The following NINJ2 variants were observed in gnomAD, a reference collection of about 807,000 sequenced individuals.
NINJ2 encodes the protein ninjurin-2.
A neutral mutation model predicts 11.7 loss-of-function variants in NINJ2; 12 were observed. The ratio of observed to expected loss-of-function variants is 1.02; its 90% CI spans 0.66 to 1.66. NINJ2 has a LOEUF of 1.66. Ranked by LOEUF, NINJ2 falls within the 40% of genes most tolerant of loss-of-function variation. The pLI is 0.00. For missense variants in NINJ2, 187 were observed against 181.8 expected (o/e 1.03, Z -0.16); for synonymous variants, 93 against 76.8 (o/e 1.21, Z -1.10).
At chr12:613,565 C>T (rs983304410) in intron 1 of NINJ2, among the ~76,000 whole-genome samples, 6 of 151,750 alleles carry the variant, frequency 4.0e-5, no homozygotes, top group African/African-American at 1.5e-4. Flanking sequence ...GCCAAGATTG[C>T]GACATTACAC....
intron 1 of NINJ2, among the ~76,000 whole-genome samples, chr12:652,947 CAAA>C (rs760841339): frequency 1.5e-5 from 1 of 64,690 alleles, no homozygotes; most frequent in Admixed American, 1.7e-4. Context: ...AACTCTGTCT[CAAA>C]AAAAAAAAAA....
chr12:621,050 A>T (rs1460497653), intron 1 of NINJ2, among the ~76,000 whole-genome samples: 1 of 152,070 alleles, frequency 6.6e-6, no homozygotes, highest in Non-Finnish European at 1.5e-5. Flanking sequence ...ACAAACAAGC[A>T]CTCCTGAGTC....
rs1937986441 is a variant in NINJ2, at chr12:663,413, T to A, written c.-53A>T. On this transcript the variant is annotated 5_prime_UTR_variant, in exon 1 of 4. Transcript: ENST00000305108. ...CACCGGGTGCCGGGAACAGACTGCG[T>A]GGGCTCCTCCAGGCTCCGCCGTCTG... 6.2e-7 allele frequency: 1 copy of A among 1,614,136 alleles called. No homozygotes were observed. The highest frequency in any genetic ancestry group is 2.2e-5 in the East Asian group (1 of 44,880).
At chr12:609,105 G>C (rs1362284921) in intron 1 of NINJ2, among the ~76,000 whole-genome samples, 1 of 124,186 alleles carries the variant, frequency 8.1e-6, no homozygotes, top group Admixed American at 8.4e-5. Flanking sequence ...CGCACGCACG[G>C]CGCCACGCGC....
In NINJ2 at chr12:640,886, C is replaced by T. The variant is rs1948408721; in HGVS notation, c.33+22442G>A. On this transcript the variant is annotated intron_variant, in intron 1 of 3. Coordinates refer to ENST00000305108, the MANE Select transcript of NINJ2 (RefSeq NM_016533.6). The surrounding 1 kb of genome is among the most constrained non-coding windows in gnomAD (Gnocchi z 4.0). ...CCCATTCCACCACCCCACTCCAACC[C>T]CTCCACTGTGGCTCCAATGTTACAG... 1 of 152,282 alleles carries T rather than the reference C, an allele frequency of 6.6e-6. No homozygotes were observed. The highest frequency in any genetic ancestry group is 2.4e-5 in the African/African-American group (1 of 41,398). 9.4% of individuals were successfully genotyped at this position (152,282 alleles called of 1,614,324 possible). A position where few individuals can be genotyped will look rare whatever the true frequency, so the allele number is the denominator to read the frequency against.
At chr12:590,275 G>A (rs958872659) in intron 1 of NINJ2, among the ~76,000 whole-genome samples, 23 of 152,204 alleles carry the variant, frequency 1.5e-4, no homozygotes, top group Admixed American at 7.8e-4. Context: ...GGAGAGCCAC[G>A]CGCGGGAGCC....
chr12:641,770 G>A (rs1462791797), intron 1 of NINJ2, among the ~76,000 whole-genome samples: 1 of 146,972 alleles, frequency 6.8e-6, no homozygotes, highest in Admixed American at 6.8e-5. Context: ...GCTTGAACCC[G>A]GGAGGTGGAG....
At chr12:590,000 G>C (rs532334715) in intron 1 of NINJ2, among the ~76,000 whole-genome samples, 6 of 152,346 alleles carry the variant, frequency 3.9e-5, no homozygotes, top group African/African-American at 1.4e-4. Context: ...CAGCGGATCA[G>C]GGAGGGGCTG....
rs1003927918 is a variant in NINJ2, at chr12:633,407, C to T, written c.33+29921G>A. Among the ~76,000 whole-genome samples the T allele has an allele frequency of 1.3e-5, 2 of 151,654 alleles. No individual in the cohort carries two copies. The highest frequency in any genetic ancestry group is 6.6e-5 in the Admixed American group (1 of 15,226). On this transcript the variant is annotated intron_variant, in intron 1 of 3. Transcript: ENST00000305108. This position sits in a 1 kb window ranked among gnomAD's most constrained non-coding sequence, Gnocchi z 4.3. Reference sequence around the variant, plus strand: ...CAGCTACCCGGGTTGCTGAGGCAGGCGAATCACTGGTTCCACCAGGAGGTG... The same window carrying T: ...CAGCTACCCGGGTTGCTGAGGCAGGTGAATCACTGGTTCCACCAGGAGGTG...
intron 1 of NINJ2, among the ~76,000 whole-genome samples, chr12:661,140 A>G (rs777802887): frequency 6.6e-6 from 1 of 152,158 alleles, no homozygotes; most frequent in Admixed American, 6.5e-5. Context: ...GTGCAATGGC[A>G]TGATTGTAGC....
intron 1 of NINJ2, among the ~76,000 whole-genome samples, chr12:567,269 G>A: frequency 6.6e-6 from 1 of 151,698 alleles, no homozygotes; most frequent in African/African-American, 2.4e-5. Context: ...TGGCCTGGAG[G>A]TAGGGAAGAT....
chr12:646,446 G>A (rs968394149), intron 1 of NINJ2, among the ~76,000 whole-genome samples: 2 of 152,176 alleles, frequency 1.3e-5, no homozygotes, highest in Non-Finnish European at 2.9e-5. Flanking sequence ...TAGGTCATGG[G>A]CTTTGCAAGA....
At chr12:579,117 A>G (rs1338794982) in intron 1 of NINJ2, among the ~76,000 whole-genome samples, 1 of 152,226 alleles carries the variant, frequency 6.6e-6, no homozygotes, top group Non-Finnish European at 1.5e-5. Flanking sequence ...TAGATTATAC[A>G]TTTCCAAAAG....
intron 1 of NINJ2, among the ~76,000 whole-genome samples, chr12:592,257 A>C (rs11063771): frequency 0.092 from 14,020 of 152,110 alleles, 883 homozygotes; most frequent in African/African-American, 0.18. Flanking sequence ...TAAAACAGTT[A>C]GGTGTCTCCT....
At chr12:657,297 C>T (rs773469392) in intron 1 of NINJ2, among the ~76,000 whole-genome samples, 1 of 152,002 alleles carries the variant, frequency 6.6e-6, no homozygotes, top group Non-Finnish European at 1.5e-5. Context: ...AATTCAACAA[C>T]AAGAAAATAA....
chr12:619,884 A>C (rs1320014548), intron 1 of NINJ2, among the ~76,000 whole-genome samples: 1 of 152,218 alleles, frequency 6.6e-6, no homozygotes, highest in Non-Finnish European at 1.5e-5. Flanking sequence ...GACCTCTCTA[A>C]GCTTCAGTTT....
chr12:630,891 A>C (rs1948272976), intron 1 of NINJ2: 1 of 152,054 alleles, frequency 6.6e-6, no homozygotes, highest in South Asian at 2.1e-4. Flanking sequence ...AGAAGGGGTC[A>C]GCTTCAAGCC....
intron 1 of NINJ2, among the ~76,000 whole-genome samples, chr12:617,066 C>T (rs1259062926): frequency 3.9e-5 from 6 of 152,226 alleles, no homozygotes; most frequent in South Asian, 4.2e-4. Flanking sequence ...ATTAGCCAGA[C>T]GTGGTGGCGC....
intron 1 of NINJ2, among the ~76,000 whole-genome samples, chr12:569,075 G>A (rs191751325): frequency 6.7e-6 from 1 of 149,460 alleles, no homozygotes; most frequent in Non-Finnish European, 1.5e-5. Flanking sequence ...TGCTGGGGCC[G>A]GGGTTTCAGC....
Sources: allele counts gnomAD v4.1 joint callset (sites outside exome capture counted in the v4.1 genomes callset), GRCh38; gene constraint gnomAD v4.1.1; non-coding constraint Gnocchi (gnomAD v3.1); transcripts MANE v1.5; gene names NCBI Gene and HGNC (gene_info 2026-07-23, HGNC 2026-07-21).